The following DPP6 variants were observed in gnomAD, a reference collection of about 807,000 sequenced individuals.
DPP6 encodes the protein dipeptidyl peptidase like 6.
Under a neutral mutation model 122.6 loss-of-function variants are expected in DPP6, and 69 were observed. The ratio of observed to expected loss-of-function variants is 0.56; its 90% CI spans 0.46 to 0.69. The LOEUF is 0.69. DPP6 is among the 30% of genes least tolerant of loss of function. The pLI, the probability that DPP6 is intolerant of heterozygous loss-of-function variation, is 0.00. For missense variants in DPP6, 928 were observed against 1,116.9 expected, an observed-to-expected ratio of 0.83 and a Z score of 2.41; for synonymous variants, 418 against 433.1, an observed-to-expected ratio of 0.97 and a Z score of 0.43.
chr7:154,381,263 C>T (rs961666296), intron 1 of DPP6, among the ~76,000 whole-genome samples: 9 of 152,330 alleles, frequency 5.9e-5, no homozygotes, highest in Non-Finnish European at 8.8e-5. Context: ...CTGGCCCCGT[C>T]TGACTCGCCT....
chr7:154,697,299 G>A (rs1247131110), intron 7 of DPP6, among the ~76,000 whole-genome samples: 7 of 152,142 alleles, frequency 4.6e-5, no homozygotes, highest in African/African-American at 1.4e-4. Context: ...CGCCATGACC[G>A]GAACCCCAGA....
chr7:154,467,770 G>A (rs1018474865), intron 2 of DPP6, among the ~76,000 whole-genome samples: 4 of 152,132 alleles, frequency 2.6e-5, no homozygotes, highest in Non-Finnish European at 5.9e-5. Context: ...TATGTCATGG[G>A]AATTCATTCC....
chr7:154,001,353 T>C lies in DPP6; in HGVS notation c.51+113619T>C, dbSNP rs1422199679. On this transcript the variant is annotated intron_variant, in intron 1 of 25. Coordinates refer to the DPP6 transcript ENST00000404039. The stretch of plus-strand genomic sequence containing the variant: ...CATCAATTATGTATGTACTTATGTA[T>C]GTAAACCCTGTTACCATCCTGTGGA... Among the ~76,000 whole-genome samples, 760 of 130,216 alleles carry C rather than the reference T, an allele frequency of 5.8e-3. 5 individuals are homozygous for C. Among genetic ancestry groups the C allele is most frequent in the Middle Eastern group, 0.031 (7 of 226 alleles). The allele number at this position is 130,216 out of a possible 152,430, so 85.4% of individuals were successfully genotyped here.
At chr7:154,346,309 T>C (rs1267203098) in intron 1 of DPP6, among the ~76,000 whole-genome samples, 1 of 152,036 alleles carries the variant, frequency 6.6e-6, no homozygotes, top group African/African-American at 2.4e-5. Flanking sequence ...TCATCTTTCT[T>C]TTTTTTTCTT....
chr7:153,815,352 G>A, the DPP6 span, among the ~76,000 whole-genome samples: 9 of 152,172 alleles, frequency 5.9e-5, no homozygotes, highest in Non-Finnish European at 1.2e-4. Context: ...CTGCATCAGA[G>A]TGCCTGGTGA....
chr7:154,525,574 G>C (rs2130031901), intron 3 of DPP6, among the ~76,000 whole-genome samples: 1 of 152,332 alleles, frequency 6.6e-6, no homozygotes, highest in Non-Finnish European at 1.5e-5. Context: ...GCACAATGCT[G>C]TGATTAACAC....
intron 2 of DPP6, among the ~76,000 whole-genome samples, chr7:154,455,524 A>T (rs1359042251): frequency 2.6e-5 from 4 of 152,216 alleles, no homozygotes; most frequent in Non-Finnish European, 2.9e-5. Context: ...GTTCTGACAG[A>T]TTCTCATAGA....
In DPP6 at chr7:154,671,146, A is replaced by G. The variant is rs190751942; in HGVS notation, c.762+1705A>G. ...ATTGTAGAAGATCTAAGTTTTCAGGACTGATGCGCAACTGAATCTCTAATA... is the reference window on the plus strand; with the variant it reads ...ATTGTAGAAGATCTAAGTTTTCAGGGCTGATGCGCAACTGAATCTCTAATA... On this transcript the variant is annotated intron_variant, in intron 7 of 25. Coordinates refer to ENST00000377770, the MANE Select transcript of DPP6 (RefSeq NM_130797.4). Among the ~76,000 whole-genome samples the G allele has an allele frequency of 1.1e-3, 163 of 152,350 alleles. 1 individual carries two copies. The highest frequency in any genetic ancestry group is 3.7e-3 in the African/African-American group (154 of 41,586).
At chr7:153,926,886 G>T (rs527870229) in intron 1 of DPP6, among the ~76,000 whole-genome samples, 1 of 151,642 alleles carries the variant, frequency 6.6e-6, no homozygotes, top group African/African-American at 2.4e-5. Flanking sequence ...AAACATCTAC[G>T]TATTTTAAAT....
At chr7:154,513,321 G>T (rs369422893) in intron 3 of DPP6, among the ~76,000 whole-genome samples, 3 of 152,250 alleles carry the variant, frequency 2.0e-5, no homozygotes, top group African/African-American at 7.2e-5. Flanking sequence ...CATTACTGTG[G>T]GTAGTCACTC....
chr7:154,229,077 G>A (rs999850431), intron 1 of DPP6, among the ~76,000 whole-genome samples: 5 of 151,706 alleles, frequency 3.3e-5, no homozygotes, highest in African/African-American at 4.8e-5. Context: ...TTTCTTGGGC[G>A]TTTTTTTTCT....
intron 1 of DPP6, among the ~76,000 whole-genome samples, chr7:153,986,669 G>A (rs1796864976): frequency 6.6e-6 from 1 of 152,142 alleles, no homozygotes; most frequent in Non-Finnish European, 1.5e-5. Context: ...AATCGTTGGT[G>A]AACTTTTCCT....
the DPP6 span, among the ~76,000 whole-genome samples, chr7:153,764,484 G>C: frequency 2.6e-5 from 4 of 152,168 alleles, no homozygotes; most frequent in South Asian, 2.1e-4. Context: ...GTTGGGTTCA[G>C]GGGGAGGAGG....
Position 154,095,826 on chromosome 7 carries a change from G to C in DPP6, c.243+42763G>C, listed in dbSNP as rs1414885282. The stretch of plus-strand genomic sequence containing the variant: ...CAGCTATAATGTCAGGGCTGTGCTC[G>C]ATAGCACAGAAAAGACAGCGTCCTG... On this transcript the variant is annotated intron_variant, in intron 1 of 25. Transcript: ENST00000377770. 1.5e-5 allele frequency: 2 copies of C among 129,434 alleles called. 1 individual carries two copies. Among genetic ancestry groups the C allele is most frequent in the East Asian group, 5.3e-4 (2 of 3,748 alleles). The allele number at this position is 129,434 out of a possible 1,614,324, so 8.0% of individuals were successfully genotyped here.
chr7:154,599,926 C>T (rs1386457362), intron 5 of DPP6, among the ~76,000 whole-genome samples: 1 of 152,070 alleles, frequency 6.6e-6, no homozygotes, highest in East Asian at 1.9e-4. Context: ...CTCTTCAGTC[C>T]CGCATGTTTT....
intron 1 of DPP6, among the ~76,000 whole-genome samples, chr7:154,055,021 G>A (rs1227050086): frequency 6.6e-6 from 1 of 151,216 alleles, no homozygotes; most frequent in African/African-American, 2.4e-5. Flanking sequence ...ACAAATCAGG[G>A]ATATAACATG....
chr7:154,044,255 A>G (rs568454592), intron 1 of DPP6, among the ~76,000 whole-genome samples: 8 of 152,096 alleles, frequency 5.3e-5, no homozygotes, highest in Non-Finnish European at 1.0e-4. Flanking sequence ...AGACAAACCT[A>G]TTTTTCCCCT....
chr7:153,875,697 T>G, the DPP6 span, among the ~76,000 whole-genome samples: 1 of 151,946 alleles, frequency 6.6e-6, no homozygotes, highest in South Asian at 2.1e-4. Flanking sequence ...GAATAATAAT[T>G]GTTTAATAAC....
chr7:154,510,882 T>C (rs922254215), intron 3 of DPP6, among the ~76,000 whole-genome samples: 1 of 151,726 alleles, frequency 6.6e-6, no homozygotes, highest in African/African-American at 2.4e-5. Context: ...TTGCTCTCAC[T>C]CTCGTGCTCT....
Sources: gnomAD v4.1 joint callset for allele counts (sites outside exome capture counted in the v4.1 genomes callset) on GRCh38, gnomAD v4.1.1 for gene constraint, MANE v1.5 for transcripts, NCBI Gene and HGNC (gene_info 2026-07-23, HGNC 2026-07-21) for gene names.